Variants in USP34 observed in about 807,000 individuals in gnomAD.
USP34 encodes ubiquitin specific peptidase 34, also known as ubiquitin carboxyl-terminal hydrolase 34.
In USP34, 70 loss-of-function variants were observed where a neutral mutation model predicts 460.3. The ratio of observed to expected loss-of-function variants is 0.15; its 90% CI spans 0.13 to 0.19. The LOEUF (loss-of-function observed/expected upper bound fraction) is 0.19. Ranked by LOEUF, USP34 falls within the 10% of genes least tolerant of loss-of-function variation. The pLI is 1.00. For missense variants in USP34, 3,985 were observed against 4,236.2 expected (o/e 0.94, Z 1.65); for synonymous variants, 1,647 against 1,405.3 (o/e 1.17, Z -3.85).
chr2:61,316,250 AAGGCAGT>A, intron 23 of USP34, among the ~76,000 whole-genome samples: 1 of 152,100 alleles, frequency 6.6e-6, no homozygotes, highest in Non-Finnish European at 1.5e-5. Flanking sequence ...ACAAGAAAAG[AAGGCAGT>A]AGGAAAATAA....
Position 61,348,064 on chromosome 2 carries a change from G to A in USP34, c.2091C>T (p.His697=). ...AAATATCATGTTCTGGGTCTTCAGAGTGTGAACAAGCATCCAGCATTCGCA... is the reference window on the plus strand; with the variant it reads ...AAATATCATGTTCTGGGTCTTCAGAATGTGAACAAGCATCCAGCATTCGCA... The part of the protein sequence containing the change: ...NRMRMLDACS[H]SEDPEHDISG... The change falls in exon 15 of 80, where the codon CAC becomes CAT. Residue 697 remains histidine, a synonymous_variant. Transcript: ENST00000398571. The A allele has an allele frequency of 8.1e-6, 13 of 1,614,202 alleles. No individual in the cohort carries two copies. Among genetic ancestry groups the A allele is most frequent in the Non-Finnish European group, 1.1e-5 (13 of 1,180,028 alleles).
At chr2:61,450,879 G>C (rs1425381190) in intron 1 of USP34, among the ~76,000 whole-genome samples, 1 of 123,186 alleles carries the variant, frequency 8.1e-6, no homozygotes, top group African/African-American at 3.3e-5. Flanking sequence ...TAGAAACGGA[G>C]GAGATGCAAA....
At chr2:61,383,462 T>A (rs1023385723) in intron 5 of USP34, 126 bp from the exon 6 acceptor site, 29 of 577,186 alleles carry the variant, frequency 5.0e-5, no homozygotes, top group Non-Finnish European at 7.3e-5. Flanking sequence ...CCCAGCACTT[T>A]GGGAGGCTGA....
At chr2:61,427,245 G>A (rs1204206800) in intron 1 of USP34, among the ~76,000 whole-genome samples, 2 of 152,188 alleles carry the variant, frequency 1.3e-5, no homozygotes. Flanking sequence ...AGCCAGGATA[G>A]TCTCGATCTC....
In USP34 at chr2:61,187,825, T is replaced by C; in HGVS notation, c.*277A>G. On this transcript the variant is annotated 3_prime_UTR_variant, in exon 80 of 80. Transcript: ENST00000398571. Reference sequence around the variant, plus strand: ...TGTACAGGGCTAGGCAACCCTGTTCTTCCCAGACAGCCATATTAAATGAAA... The same window carrying C: ...TGTACAGGGCTAGGCAACCCTGTTCCTCCCAGACAGCCATATTAAATGAAA... The C allele has an allele frequency of 1.8e-6, 2 of 1,122,158 alleles. No homozygotes were observed. The highest frequency in any genetic ancestry group is 4.2e-5 in the East Asian group (1 of 23,806). The allele number at this position is 1,122,158 out of a possible 1,614,324, so 69.5% of individuals were successfully genotyped here.
chr2:61,397,040 A>G (rs994999100), intron 3 of USP34, among the ~76,000 whole-genome samples: 3 of 152,232 alleles, frequency 2.0e-5, no homozygotes, highest in Non-Finnish European at 2.9e-5. Flanking sequence ...TCTGATGTTC[A>G]TAATTTTTAC....
rs1186711 is a variant in USP34 at position 61,461,370 on chromosome 2, T to G, written c.43+9280A>C. Among the ~76,000 whole-genome samples, 6 of 151,046 alleles carry G rather than the reference T, an allele frequency of 4.0e-5. No homozygotes were observed. In the South Asian group the frequency reaches 1.0e-3, roughly 26 times the overall value. On this transcript the variant is annotated intron_variant, in intron 1 of 79. Transcript: ENST00000398571. ...ATGGCACCATTGCACTCCACCCTAG[T>G]GAACAAGAGCGAAATTCCGCCTCAA...
intron 75 of USP34, among the ~76,000 whole-genome samples, chr2:61,193,823 G>A (rs995809970): frequency 2.6e-5 from 4 of 152,172 alleles, no homozygotes; most frequent in Admixed American, 2.6e-4. Flanking sequence ...GTTCTGGGAA[G>A]GGCCAAATAG....
intron 1 of USP34, among the ~76,000 whole-genome samples, chr2:61,468,451 G>A (rs1364046888): frequency 6.6e-6 from 1 of 152,226 alleles, no homozygotes; most frequent in Non-Finnish European, 1.5e-5. Context: ...GCAAAGTGTT[G>A]GGATTACAGG....
intron 29 of USP34, 100 bp downstream of exon 29, chr2:61,300,851 A>G: frequency 2.5e-6 from 2 of 787,416 alleles, no homozygotes; most frequent in Non-Finnish European, 3.7e-6. Context: ...GAAAATTATT[A>G]TATACTTTAT....
intron 29 of USP34, among the ~76,000 whole-genome samples, chr2:61,298,339 G>A (rs1690098509): frequency 8.2e-6 from 1 of 122,278 alleles, no homozygotes; most frequent in African/African-American, 3.1e-5. Context: ...GGCTAACAGA[G>A]TGAAACCCTG....
rs778697480 is a variant in USP34, at chr2:61,206,711, C to G, written c.9046+49G>C. 3.1e-6 allele frequency: 5 copies of G among 1,596,598 alleles called. No individual in the cohort carries two copies. The South Asian group carries it at 3.4e-5, about 11-fold the overall frequency. On this transcript the variant is annotated intron_variant, in intron 71 of 79. Coordinates refer to ENST00000398571, the MANE Select transcript of USP34 (RefSeq NM_014709.4). ...GGCACATGATTTTAAAACCTTCTCT[C>G]TCTTTACTAGTAGCACGAACAAAAC...
chr2:61,285,114 G>A (rs1293673600), intron 34 of USP34, among the ~76,000 whole-genome samples, 157 bp from the exon 35 acceptor site: 1 of 152,082 alleles, frequency 6.6e-6, no homozygotes, highest in Admixed American at 6.5e-5. Flanking sequence ...AATAAAGAAT[G>A]TCGTAAGAAT....
intron 4 of USP34, 39 bp from the exon 5 acceptor site, chr2:61,395,041 T>A (rs747716464): frequency 7.1e-6 from 11 of 1,548,382 alleles, no homozygotes; most frequent in Non-Finnish European, 1.7e-6. Context: ...TTTGAAAACG[T>A]ACAAATAATT....
chr2:61,349,411 G>A, intron 12 of USP34, 126 bp from the exon 13 acceptor site: 1 of 890,324 alleles, frequency 1.1e-6, no homozygotes, highest in Non-Finnish European at 1.7e-6. Flanking sequence ...ATAAGGTTAA[G>A]TCCCCACCAC....
At chr2:61,282,776 G>C (rs1689571500) in intron 37 of USP34, among the ~76,000 whole-genome samples, 2 of 151,638 alleles carry the variant, frequency 1.3e-5, no homozygotes, top group Admixed American at 1.3e-4. Flanking sequence ...GGTGATACAG[G>C]GAACAGGGAG....
intron 5 of USP34, among the ~76,000 whole-genome samples, chr2:61,384,906 C>A (rs1558562860): frequency 6.6e-6 from 1 of 151,578 alleles, no homozygotes; most frequent in Non-Finnish European, 1.5e-5. Flanking sequence ...AGGCAAAGGA[C>A]TAGAAAGAAG....
At chr2:61,394,023 A>C (rs1693438003) in intron 5 of USP34, among the ~76,000 whole-genome samples, 1 of 152,094 alleles carries the variant, frequency 6.6e-6, no homozygotes, top group Non-Finnish European at 1.5e-5. Context: ...TGGGAGGCTG[A>C]GGCAGAAGAA....
intron 51 of USP34, among the ~76,000 whole-genome samples, chr2:61,242,899 T>C (rs1333007888): frequency 1.3e-5 from 2 of 151,616 alleles, no homozygotes; most frequent in East Asian, 1.9e-4. Flanking sequence ...CAGGCTGGAG[T>C]GAAATGGCTT....
Sources: gnomAD v4.1 joint callset for allele counts (sites outside exome capture counted in the v4.1 genomes callset) on GRCh38, gnomAD v4.1.1 for gene constraint, MANE v1.5 for transcripts, NCBI Gene and HGNC (gene_info 2026-07-23, HGNC 2026-07-21) for gene names.